The following ORMDL2 variants were observed in gnomAD, a reference collection of about 807,000 sequenced individuals.
The protein encoded by ORMDL2 is ORMDL sphingolipid biosynthesis regulator 2.
A neutral mutation model predicts 13.5 loss-of-function variants in ORMDL2; 11 were observed. The ratio of observed to expected loss-of-function variants is 0.82; its 90% CI spans 0.51 to 1.35. ORMDL2 has a LOEUF of 1.35. Ranked by LOEUF, ORMDL2 falls within the 40% of genes most tolerant of loss-of-function variation. The pLI, the probability that ORMDL2 is intolerant of heterozygous loss-of-function variation, is 0.00. For synonymous variants in ORMDL2, 73 were observed against 76.5 expected (o/e 0.95, Z 0.24); for missense variants, 160 against 191.1 (o/e 0.84, Z 0.96).
At position 55,821,828 on chromosome 12, in the gene ORMDL2, G is replaced by C; in HGVS notation, c.*1433G>C. 1 of 845,826 alleles carries C rather than the reference G, an allele frequency of 1.2e-6. No homozygotes were observed. Among genetic ancestry groups the C allele is most frequent in the Non-Finnish European group, 1.7e-6 (1 of 576,256 alleles). The allele number at this position is 845,826 out of a possible 1,614,324, so 52.4% of individuals were successfully genotyped here. ...GCTGAGATCACACCACTGCACTCCA[G>C]CTGGGCAACAGAGCAAGACTCCATC... On this transcript the variant is annotated 3_prime_UTR_variant, in exon 4 of 4. Coordinates refer to ENST00000243045, the MANE Select transcript of ORMDL2 (RefSeq NM_014182.5).
At chr12:55,820,150 A>G (rs962512646) in intron 3 of ORMDL2, 110 bp from the exon 4 acceptor site, 8 of 962,184 alleles carry the variant, frequency 8.3e-6, no homozygotes, top group Admixed American at 2.1e-5. Flanking sequence ...ACTTATGAAT[A>G]GCCACTGCAC....
chr12:55,818,169 G>T, intron 1 of ORMDL2, 57 bp downstream of exon 1: 1 of 455,408 alleles, frequency 2.2e-6, no homozygotes, highest in Non-Finnish European at 4.4e-6. Context: ...AGGCGAAAGG[G>T]GCGCCGAGGG....
chr12:55,818,748 C>T (rs561450855), intron 1 of ORMDL2: 14 of 487,432 alleles, frequency 2.9e-5, no homozygotes, highest in South Asian at 2.8e-4. Context: ...TACACATACA[C>T]CTTCATGTTA....
chr12:55,819,453 A>C lies in ORMDL2; in HGVS notation c.286A>C (p.Thr96Pro). ...WEQMDYGLQF[T>P]SSRKFLSISP... The stretch of plus-strand genomic sequence containing the variant: ...GCAAATGGACTATGGGCTCCAGTTT[A>C]CCTCTTCCCGCAAGTTCCTCAGCAT... Residue 96 changes from threonine to proline, a missense_variant, in exon 3 of 4, where the codon ACC becomes CCC. Thr to Pro is a conservative substitution (Grantham distance 38). Coordinates refer to ENST00000243045, the MANE Select transcript of ORMDL2 (RefSeq NM_014182.5). 1 of 1,614,068 alleles carries C rather than the reference A, an allele frequency of 6.2e-7. No individual in the cohort carries two copies. Among genetic ancestry groups the C allele is most frequent in the Non-Finnish European group, 8.5e-7 (1 of 1,180,004 alleles).
Position 55,821,631 on chromosome 12 carries a change from T to C in ORMDL2, c.*1236T>C, listed in dbSNP as rs1403458994. Reference sequence around the variant, plus strand: ...GGGAGGCCAAGACGGGTGGATCACCTGAGCTCAGGAGTTCGAGACCAGCCT... The same window carrying C: ...GGGAGGCCAAGACGGGTGGATCACCCGAGCTCAGGAGTTCGAGACCAGCCT... On this transcript the variant is annotated 3_prime_UTR_variant, in exon 4 of 4. Coordinates refer to ENST00000243045, the MANE Select transcript of ORMDL2 (RefSeq NM_014182.5). 3 of 160,940 alleles carry C rather than the reference T, an allele frequency of 1.9e-5. No homozygotes were observed. The highest frequency in any genetic ancestry group is 7.2e-5 in the African/African-American group (3 of 41,678). 10.0% of individuals were successfully genotyped at this position (160,940 alleles called of 1,614,324 possible).
rs1163424766 is a variant in ORMDL2 at position 55,821,784 on chromosome 12, G to A, written c.*1389G>A. ...AGATGGGAGAATTGCTTGAACCCGG[G>A]AGACAGAGGTTGCAGTAAGCTGAGA... On this transcript the variant is annotated 3_prime_UTR_variant, in exon 4 of 4. Coordinates refer to ENST00000243045, the MANE Select transcript of ORMDL2 (RefSeq NM_014182.5). The A allele has an allele frequency of 3.7e-5, 17 of 455,666 alleles. No homozygotes were observed. The highest frequency in any genetic ancestry group is 5.8e-5 in the Non-Finnish European group (16 of 274,856). The allele number at this position is 455,666 out of a possible 1,614,324, so 28.2% of individuals were successfully genotyped here. A position where few individuals can be genotyped will look rare whatever the true frequency, so the allele number is the denominator to read the frequency against.
At position 55,819,035 on chromosome 12, in the gene ORMDL2, C is replaced by G. The variant is rs760395757; in HGVS notation, c.36C>G (p.Pro12=). The G allele has an allele frequency of 6.2e-7, 1 of 1,614,086 alleles. No individual in the cohort carries two copies. Among genetic ancestry groups the G allele is most frequent in the Admixed American group, 1.7e-5 (1 of 60,016 alleles). The change falls in exon 2 of 4, where the codon CCC becomes CCG. Residue 12 remains proline, a synonymous_variant. Coordinates refer to ENST00000243045, the MANE Select transcript of ORMDL2 (RefSeq NM_014182.5). ...GGGTGGCACACAGCGAAGTAAACCC[C>G]AACACCCGAGTGATGAATAGCCGAG... is the stretch of plus-strand genomic sequence containing the variant. ...NVGVAHSEVN[P]NTRVMNSRGI...
Position 55,820,551 on chromosome 12 carries a change from C to A in ORMDL2, c.*156C>A. ...GACTCCCAAGAAGAGAAGAGATTGG[C>A]AAATGGGGCTCCTGGGCCCAGTCCT... On this transcript the variant is annotated 3_prime_UTR_variant, in exon 4 of 4. Coordinates refer to ENST00000243045, the MANE Select transcript of ORMDL2 (RefSeq NM_014182.5). 1 of 883,038 alleles carries A rather than the reference C, an allele frequency of 1.1e-6. No homozygotes were observed. The highest frequency in any genetic ancestry group is 1.8e-6 in the Non-Finnish European group (1 of 562,458). 54.7% of individuals were successfully genotyped at this position (883,038 alleles called of 1,614,324 possible).
In ORMDL2 at chr12:55,819,065, C is replaced by G; in HGVS notation, c.66C>G (p.Ile22Met). 6.2e-7 allele frequency: 1 copy of G among 1,614,016 alleles called. No individual in the cohort carries two copies. Among genetic ancestry groups the G allele is most frequent in the Non-Finnish European group, 8.5e-7 (1 of 1,179,864 alleles). The stretch of plus-strand genomic sequence containing the variant: ...CCCGAGTGATGAATAGCCGAGGCAT[C>G]TGGCTGGCCTACATCATCTTGGTAG... ...PNTRVMNSRG[I>M]WLAYIILVGL... Residue 22 changes from isoleucine to methionine, a missense_variant, in exon 2 of 4, where the codon ATC becomes ATG. Ile to Met is a conservative substitution (Grantham distance 10). Transcript: ENST00000243045.
At position 55,820,268 on chromosome 12, in the gene ORMDL2, T is replaced by C; in HGVS notation, c.335T>C (p.Leu112Pro). ...TTTTTTTCTCTCCCCAGCTATCTCCTGGCCAGCTTCTATACCAAGTATGAT... is the reference window on the plus strand; with the variant it reads ...TTTTTTTCTCTCCCCAGCTATCTCCCGGCCAGCTTCTATACCAAGTATGAT... ...LSISPIVLYL[L>P]ASFYTKYDAA... The change falls in exon 4 of 4, where the codon CTG becomes CCG. Residue 112 changes from leucine to proline, a missense_variant. Transcript: ENST00000243045. The C allele has an allele frequency of 6.2e-7, 1 of 1,612,374 alleles. No individual in the cohort carries two copies. Among genetic ancestry groups the C allele is most frequent in the African/African-American group, 1.3e-5 (1 of 75,006 alleles).
chr12:55,821,059 TAAAAAA>T lies in ORMDL2; in HGVS notation c.*669_*674del, dbSNP rs150092729. 3 of 150,594 alleles carry T rather than the reference TAAAAAA, an allele frequency of 2.0e-5. No homozygotes were observed. The highest frequency in any genetic ancestry group is 7.3e-5 in the African/African-American group (3 of 40,892). The allele number at this position is 150,594 out of a possible 1,614,324, so 9.3% of individuals were successfully genotyped here. A position where few individuals can be genotyped will look rare whatever the true frequency, so the allele number is the denominator to read the frequency against. On this transcript the variant is annotated 3_prime_UTR_variant, in exon 4 of 4. Transcript: ENST00000243045. Reference sequence around the variant, plus strand: ...ATGTACATACAAATATGAACAAACTTAAAAAAAAAATACAAACCCTTGGATCACATG... The same window carrying T: ...ATGTACATACAAATATGAACAAACTTAAAATACAAACCCTTGGATCACATG...
In ORMDL2 at chr12:55,820,332, T is replaced by A; in HGVS notation, c.399T>A (p.Ser133Arg). ...TCATCAACACAGCCTCATTGCTAAG[T>A]GTACTGCTGCCGAAGTTGCCCCAGT... is the stretch of plus-strand genomic sequence containing the variant. ...HFLINTASLL[S>R]VLLPKLPQFH... is the part of the protein sequence containing the mutation. The change falls in exon 4 of 4, where the codon AGT (serine) becomes AGA (arginine). Residue 133 changes from serine (S) to arginine (R), a missense_variant. Coordinates refer to ENST00000243045, the MANE Select transcript of ORMDL2 (RefSeq NM_014182.5). 1 of 1,614,194 alleles carries A rather than the reference T, an allele frequency of 6.2e-7. No homozygotes were observed. The highest frequency in any genetic ancestry group is 8.5e-7 in the Non-Finnish European group (1 of 1,180,010).
chr12:55,820,049 G>A (rs1165653291), intron 3 of ORMDL2, among the ~76,000 whole-genome samples: 2 of 152,230 alleles, frequency 1.3e-5, no homozygotes, highest in Admixed American at 6.5e-5. Context: ...GCAGGGCACT[G>A]TGGTGCATGC....
chr12:55,819,250 G>C, intron 2 of ORMDL2, 77 bp downstream of exon 2: 1 of 1,588,874 alleles, frequency 6.3e-7, no homozygotes, highest in South Asian at 1.1e-5. Context: ...CAATTGTTTG[G>C]GGATTTATGT....
Position 55,819,024 on chromosome 12 carries a change from G to A in ORMDL2, c.25G>A (p.Glu9Lys), listed in dbSNP as rs745534876. The A allele has an allele frequency of 3.7e-6, 6 of 1,613,866 alleles. No individual in the cohort carries two copies. Among genetic ancestry groups the A allele is most frequent in the South Asian group, 2.2e-5 (2 of 91,080 alleles). Residue 9 changes from glutamate (E) to lysine (K), a missense_variant, in exon 2 of 4, where the codon GAA becomes AAA. Glu to Lys is a moderately conservative substitution (Grantham distance 56). Transcript: ENST00000243045. ...GATGAATGTGGGGGTGGCACACAGC[G>A]AAGTAAACCCCAACACCCGAGTGAT... MNVGVAHS[E>K]VNPNTRVMNS...
rs1348662279 is a variant in ORMDL2 at position 55,821,645 on chromosome 12, C to G, written c.*1250C>G. 1 of 162,884 alleles carries G rather than the reference C, an allele frequency of 6.1e-6. No individual in the cohort carries two copies. The highest frequency in any genetic ancestry group is 1.3e-5 in the Non-Finnish European group (1 of 75,256). 10.1% of individuals were successfully genotyped at this position (162,884 alleles called of 1,614,324 possible). ...GGTGGATCACCTGAGCTCAGGAGTT[C>G]GAGACCAGCCTGGGCAACATGGTGA... On this transcript the variant is annotated 3_prime_UTR_variant, in exon 4 of 4. Coordinates refer to ENST00000243045, the MANE Select transcript of ORMDL2 (RefSeq NM_014182.5).
rs749127859 is a variant in ORMDL2, at chr12:55,820,437, C to T, written c.*42C>T. On this transcript the variant is annotated 3_prime_UTR_variant, in exon 4 of 4. Coordinates refer to ENST00000243045, the MANE Select transcript of ORMDL2 (RefSeq NM_014182.5). Reference sequence around the variant, plus strand: ...CAGCTCCATGGGCATGGGGAAGGCACTGAAACAGAGGACTATAAAACATCC... The same window carrying T: ...CAGCTCCATGGGCATGGGGAAGGCATTGAAACAGAGGACTATAAAACATCC... 3 of 1,607,008 alleles carry T rather than the reference C, an allele frequency of 1.9e-6. No homozygotes were observed. Among genetic ancestry groups the T allele is most frequent in the South Asian group, 2.2e-5 (2 of 90,946 alleles).
chr12:55,820,171 G>A, intron 3 of ORMDL2, 89 bp from the exon 4 acceptor site: 1 of 1,281,608 alleles, frequency 7.8e-7, no homozygotes, highest in Non-Finnish European at 1.1e-6. Flanking sequence ...TCCAACCTGG[G>A]AAACATGGTG....
Position 55,819,320 on chromosome 12 carries a change from CT to C in ORMDL2, c.175-21del, listed in dbSNP as rs760368833. On this transcript the variant is annotated intron_variant, in intron 2 of 3. Transcript: ENST00000243045. ...GAAAAACTACTTTCTGCCCCTCACA[CT>C]GCCACCTTCCCTGTTCCCAGGCTAC... 6.2e-6 allele frequency: 10 copies of C among 1,606,902 alleles called. No homozygotes were observed. The South Asian group carries it at 1.1e-4, about 18-fold the overall frequency.
Sources: allele counts gnomAD v4.1 joint callset (sites outside exome capture counted in the v4.1 genomes callset), GRCh38; gene constraint gnomAD v4.1.1; transcripts MANE v1.5; gene names NCBI Gene and HGNC (gene_info 2026-07-23, HGNC 2026-07-21).